SUGCT: variants seen among roughly 807,000 people sequenced by gnomAD.
The protein encoded by SUGCT is succinyl-CoA:glutarate-CoA transferase.
In SUGCT, 41 loss-of-function variants were observed where a neutral mutation model predicts 55.0. The ratio of observed to expected loss-of-function variants is 0.74; its 90% CI spans 0.58 to 0.97. SUGCT has a LOEUF of 0.97. SUGCT is among the 50% of genes least tolerant of loss of function. The pLI is 0.00. For missense variants in SUGCT, 568 were observed against 547.8 expected, an observed-to-expected ratio of 1.04 and a Z score of -0.37; for synonymous variants, 187 against 200.4, an observed-to-expected ratio of 0.93 and a Z score of 0.56.
chr7:40,314,068 C>T (rs1795298689), intron 8 of SUGCT, among the ~76,000 whole-genome samples: 1 of 152,144 alleles, frequency 6.6e-6, no homozygotes, highest in Admixed American at 6.5e-5. Context: ...ATTCTTCATT[C>T]AAACTCATTC....
At chr7:40,886,116 G>C in the SUGCT span, among the ~76,000 whole-genome samples, 1 of 152,166 alleles carries the variant, frequency 6.6e-6, no homozygotes, top group Non-Finnish European at 1.5e-5. Context: ...GTCATGCTTT[G>C]AAATGAGGCA....
the SUGCT span, among the ~76,000 whole-genome samples, chr7:41,037,114 G>A: frequency 6.6e-6 from 1 of 152,196 alleles, no homozygotes; most frequent in Non-Finnish European, 1.5e-5. Context: ...TGCATGTGTG[G>A]ATGAAATATG....
At chr7:40,504,438 A>G (rs189644346) in intron 12 of SUGCT, among the ~76,000 whole-genome samples, 107 of 147,626 alleles carry the variant, frequency 7.2e-4, no homozygotes, top group African/African-American at 2.5e-3. Context: ...CCAAGAATAG[A>G]TTTTTTTTTT....
At chr7:40,139,824 G>A (rs1318334763) in intron 1 of SUGCT, among the ~76,000 whole-genome samples, 1 of 152,028 alleles carries the variant, frequency 6.6e-6, no homozygotes, top group Non-Finnish European at 1.5e-5. Flanking sequence ...GTCTAGAAGA[G>A]TTTCCCCTAG....
chr7:40,817,926 G>T lies in SUGCT; in HGVS notation c.1154-42390G>T, dbSNP rs1000617805. Among the ~76,000 whole-genome samples, 9 of 152,286 alleles carry T rather than the reference G, an allele frequency of 5.9e-5. No individual in the cohort carries two copies. In the South Asian group the frequency reaches 1.9e-3, roughly 32 times the overall value. ...ATATTACACATGTAATATAATGGTT[G>T]CTAGGTGGGCTTTTTGCTAGCTAAG... is the stretch of plus-strand genomic sequence containing the variant. On this transcript the variant is annotated intron_variant, in intron 13 of 13. Transcript: ENST00000335693.
At chr7:40,627,694 G>A (rs781767497) in intron 12 of SUGCT, among the ~76,000 whole-genome samples, 12 of 151,772 alleles carry the variant, frequency 7.9e-5, no homozygotes, top group Non-Finnish European at 1.8e-4. Flanking sequence ...AAAGGTGGGG[G>A]TTTGCAAAGG....
chr7:40,155,812 T>C (rs1323003934), intron 1 of SUGCT, among the ~76,000 whole-genome samples: 1 of 152,070 alleles, frequency 6.6e-6, no homozygotes, highest in Non-Finnish European at 1.5e-5. Context: ...TGGGACCTTG[T>C]CTATTTCTGT....
chr7:40,274,073 C>CTTTTT (rs386409972), intron 7 of SUGCT, among the ~76,000 whole-genome samples: 4,799 of 67,816 alleles, frequency 0.071, 472 homozygotes, highest in African/African-American at 0.13. Flanking sequence ...TTTTTACCTT[C>CTTTTT]TTTTTTTTTT....
chr7:40,602,614 C>G (rs1283742102), intron 12 of SUGCT, among the ~76,000 whole-genome samples: 1 of 152,164 alleles, frequency 6.6e-6, no homozygotes, highest in African/African-American at 2.4e-5. Context: ...TTCATGAGAA[C>G]AGTTTGCTGT....
intron 9 of SUGCT, among the ~76,000 whole-genome samples, chr7:40,355,465 G>A (rs945035216): frequency 6.6e-6 from 1 of 152,140 alleles, no homozygotes; most frequent in South Asian, 2.1e-4. Context: ...ACTGTGAGAT[G>A]TTCCCTTTTA....
chr7:40,734,517 G>A (rs1041599314), intron 12 of SUGCT, among the ~76,000 whole-genome samples: 3 of 152,160 alleles, frequency 2.0e-5, no homozygotes, highest in East Asian at 1.9e-4. Flanking sequence ...TTGCCACCTA[G>A]ATATTAGGCA....
At chr7:40,329,947 A>AT (rs964468726) in intron 9 of SUGCT, among the ~76,000 whole-genome samples, 50 of 152,078 alleles carry the variant, frequency 3.3e-4, no homozygotes, top group Non-Finnish European at 6.0e-4. Flanking sequence ...AATGATTTCC[A>AT]TTTTTTTGGA....
chr7:40,175,439 C>T (rs1255143433), intron 1 of SUGCT, among the ~76,000 whole-genome samples: 6 of 152,168 alleles, frequency 3.9e-5, no homozygotes, highest in Non-Finnish European at 1.5e-5. Flanking sequence ...AGGCTGGTCT[C>T]TGACTCCTGA....
intron 12 of SUGCT, among the ~76,000 whole-genome samples, chr7:40,634,964 C>T (rs766864964): frequency 4.6e-5 from 7 of 152,070 alleles, no homozygotes; most frequent in East Asian, 1.9e-4. Flanking sequence ...AATAATAGAT[C>T]GAACGCAGTT....
intron 9 of SUGCT, among the ~76,000 whole-genome samples, chr7:40,420,902 G>T (rs1299336868): frequency 1.3e-5 from 2 of 152,108 alleles, no homozygotes; most frequent in African/African-American, 4.8e-5. Context: ...CACCAAGTTT[G>T]TAGAGCCTTT....
chr7:40,242,103 C>T (rs889672668), intron 7 of SUGCT, among the ~76,000 whole-genome samples: 1 of 151,882 alleles, frequency 6.6e-6, no homozygotes, highest in African/African-American at 2.4e-5. Flanking sequence ...AGATGATAGA[C>T]ATTTTACATA....
intron 12 of SUGCT, among the ~76,000 whole-genome samples, chr7:40,664,376 A>G (rs1246020681): frequency 6.6e-6 from 1 of 152,200 alleles, no homozygotes; most frequent in Non-Finnish European, 1.5e-5. Context: ...GTCATTAACA[A>G]TAAACAGAAT....
intron 9 of SUGCT, among the ~76,000 whole-genome samples, chr7:40,417,523 A>G (rs953471404): frequency 6.6e-6 from 1 of 151,792 alleles, no homozygotes; most frequent in African/African-American, 2.4e-5. Flanking sequence ...TGAACATTTT[A>G]TTGTGCTTTT....
intron 11 of SUGCT, among the ~76,000 whole-genome samples, chr7:40,491,296 G>T (rs527712859): frequency 6.6e-6 from 1 of 152,126 alleles, no homozygotes; most frequent in Non-Finnish European, 1.5e-5. Flanking sequence ...CTGGGTGTGC[G>T]GAATCAAGGG....
Sources: gnomAD v4.1 joint callset for allele counts (sites outside exome capture counted in the v4.1 genomes callset) on GRCh38, gnomAD v4.1.1 for gene constraint, MANE v1.5 for transcripts, NCBI Gene and HGNC (gene_info 2026-07-23, HGNC 2026-07-21) for gene names.